IQCH: variants seen among roughly 807,000 people sequenced by gnomAD.
IQCH encodes the protein IQ motif containing H.
A neutral mutation model predicts 117.0 loss-of-function variants in IQCH; 98 were observed. The ratio of observed to expected loss-of-function variants is 0.84; its 90% CI spans 0.71 to 0.99. The LOEUF is 0.99. Among genes scored for constraint, IQCH ranks in the 50% least tolerant of loss-of-function variants. The pLI, the probability that IQCH is intolerant of heterozygous loss-of-function variation, is 0.00. For synonymous variants in IQCH, 412 were observed against 448.2 expected, an observed-to-expected ratio of 0.92 and a Z score of 1.02; for missense variants, 1,102 against 1,243.8, an observed-to-expected ratio of 0.89 and a Z score of 1.72.
At chr15:67,320,040 G>A (rs1327358276) in intron 4 of IQCH, among the ~76,000 whole-genome samples, 5 of 152,184 alleles carry the variant, frequency 3.3e-5, no homozygotes, top group Admixed American at 3.3e-4. Context: ...CCTCCTTTCA[G>A]GTTTGCTTAG....
chr15:67,306,703 C>T (rs1237174031), intron 4 of IQCH: 18 of 729,654 alleles, frequency 2.5e-5, no homozygotes, highest in Non-Finnish European at 3.8e-5. Context: ...ATTTTATATC[C>T]TGTGACTCTG....
chr15:67,442,817 GAGATAGATAGATAGATAGATAGATAGAT>G (rs201394285), intron 16 of IQCH, among the ~76,000 whole-genome samples: 3 of 138,174 alleles, frequency 2.2e-5, no homozygotes, highest in South Asian at 2.4e-4. Context: ...AAGAAACTGT[GAGATAGATAGATAGATAGATAGATAGAT>G]AGATAGATAG....
intron 8 of IQCH, among the ~76,000 whole-genome samples, chr15:67,367,891 C>A (rs1178695763): frequency 6.6e-6 from 1 of 152,126 alleles, no homozygotes; most frequent in African/African-American, 2.4e-5. Context: ...CTTATAGTAA[C>A]AAAAATACTG....
Position 67,324,565 on chromosome 15 carries a change from G to A in IQCH, c.388-12410G>A, listed in dbSNP as rs117404441. On this transcript the variant is annotated intron_variant, in intron 4 of 20. Coordinates refer to ENST00000335894, the MANE Select transcript of IQCH (RefSeq NM_001031715.3). ...GCGGAGGTTGCAGTGAGCAAAGATA[G>A]CTCCATTGCACTCCAGCCTGGGCAA... Among the ~76,000 whole-genome samples the A allele has an allele frequency of 4.7e-3, 668 of 142,980 alleles. 14 individuals are homozygous for A. In the East Asian group the frequency reaches 0.078, roughly 17 times the overall value. The allele number at this position is 142,980 out of a possible 152,430, so 93.8% of individuals were successfully genotyped here.
chr15:67,489,417 C>T (rs1299727573), intron 18 of IQCH, among the ~76,000 whole-genome samples: 1 of 152,048 alleles, frequency 6.6e-6, no homozygotes, highest in Admixed American at 6.6e-5. Flanking sequence ...CCTCTGCCTC[C>T]CAGGTTCAAG....
chr15:67,407,840 C>T lies in IQCH; in HGVS notation c.2097+7535C>T, dbSNP rs1220179233. 2.0e-5 allele frequency: 3 copies of T among 152,190 alleles called. No homozygotes were observed. Among genetic ancestry groups the T allele is most frequent in the African/African-American group, 7.2e-5 (3 of 41,446 alleles). The allele number at this position is 152,190 out of a possible 1,614,324, so 9.4% of individuals were successfully genotyped here. ...CACAGTCTGGAAACACTCTACCTTC[C>T]AGCCATTAGCTCTCACTAATTCATA... On this transcript the variant is annotated intron_variant, in intron 14 of 20. Transcript: ENST00000335894. The surrounding 1 kb of genome is among the most constrained non-coding windows in gnomAD (Gnocchi z 5.3).
intron 9 of IQCH, 50 bp downstream of exon 9, chr15:67,372,712 C>T (rs777468698): frequency 9.5e-6 from 14 of 1,472,762 alleles, no homozygotes; most frequent in East Asian, 6.8e-5. Context: ...CTAAACATTT[C>T]GTGCTTGAGC....
chr15:67,443,722 C>T lies in IQCH; in HGVS notation c.2506-21405C>T, dbSNP rs962345922. Among the ~76,000 whole-genome samples the T allele has an allele frequency of 2.0e-5, 3 of 152,194 alleles. No individual in the cohort carries two copies. Among genetic ancestry groups the T allele is most frequent in the Non-Finnish European group, 4.4e-5 (3 of 68,046 alleles). On this transcript the variant is annotated intron_variant, in intron 16 of 20. Coordinates refer to ENST00000335894, the MANE Select transcript of IQCH (RefSeq NM_001031715.3). The surrounding 1 kb of genome is among the most constrained non-coding windows in gnomAD (Gnocchi z 5.0). ...AAGTCCAGCTCATCATGGATTCCCC[C>T]TTAAAGTGCCACTTCATCCTCTAGC...
At chr15:67,348,622 C>G (rs1214801502) in intron 6 of IQCH, among the ~76,000 whole-genome samples, 1 of 152,004 alleles carries the variant, frequency 6.6e-6, no homozygotes, top group African/African-American at 2.4e-5. Flanking sequence ...AAAAGAAGAC[C>G]TAAGTAAATT....
intron 10 of IQCH, among the ~76,000 whole-genome samples, chr15:67,382,610 A>G (rs1970971392): frequency 6.6e-6 from 1 of 152,208 alleles, no homozygotes; most frequent in South Asian, 2.1e-4. Flanking sequence ...AGAGTCTTTT[A>G]TTTTATATAA....
intron 16 of IQCH, among the ~76,000 whole-genome samples, chr15:67,446,147 T>C (rs2082385621): frequency 6.6e-6 from 1 of 152,218 alleles, no homozygotes; most frequent in Non-Finnish European, 1.5e-5. Context: ...TACCAAAGAA[T>C]ATGTTATCCC....
In IQCH at chr15:67,476,013, T is replaced by C. The variant is rs1392056401; in HGVS notation, c.2799+195T>C. Among the ~76,000 whole-genome samples the C allele has an allele frequency of 6.6e-6, 1 of 152,192 alleles. No individual in the cohort carries two copies. Among genetic ancestry groups the C allele is most frequent in the Non-Finnish European group, 1.5e-5 (1 of 68,032 alleles). ...GAAAGTAGCACATAGTCCTGGAAAG[T>C]TCTACTTCGTCTCCAATCTTACACA... On this transcript the variant is annotated intron_variant, in intron 18 of 20. Coordinates refer to ENST00000335894, the MANE Select transcript of IQCH (RefSeq NM_001031715.3). This position sits in a 1 kb window ranked among gnomAD's most constrained non-coding sequence, Gnocchi z 4.1.
intron 8 of IQCH, among the ~76,000 whole-genome samples, chr15:67,367,609 C>A (rs1005260538): frequency 1.3e-5 from 2 of 151,986 alleles, no homozygotes; most frequent in Non-Finnish European, 2.9e-5. Context: ...GCCAGGTTGG[C>A]TCTGATGTAC....
chr15:67,270,267 G>A (rs1415192514), intron 3 of IQCH, among the ~76,000 whole-genome samples: 5 of 152,230 alleles, frequency 3.3e-5, no homozygotes, highest in South Asian at 2.1e-4. Context: ...CGGAATAAAC[G>A]TTGTGAAAGT....
Position 67,266,618 on chromosome 15 carries a change from C to A in IQCH, c.269+3402C>A, listed in dbSNP as rs1320292664. 2.0e-5 allele frequency among the ~76,000 whole-genome samples: 3 copies of A among 152,266 alleles called. No homozygotes were observed. The East Asian group carries it at 5.8e-4, about 29-fold the overall frequency. On this transcript the variant is annotated intron_variant, in intron 3 of 20. Transcript: ENST00000335894. ...CTTGCAGTGAGCCGAGATTGTGCCA[C>A]TGCACTCCAGCCTGGGCGACAGAGC...
Position 67,494,235 on chromosome 15 carries a change from A to G in IQCH, c.2862-23A>G. The G allele has an allele frequency of 6.4e-7, 1 of 1,563,414 alleles. No individual in the cohort carries two copies. Among genetic ancestry groups the G allele is most frequent in the African/African-American group, 1.4e-5 (1 of 73,426 alleles). On this transcript the variant is annotated intron_variant, in intron 19 of 20. Transcript: ENST00000335894. This position sits in a 1 kb window ranked among gnomAD's most constrained non-coding sequence, Gnocchi z 5.5. ...TGTGAAGGGAATCGTTGGTAAACTC[A>G]TTTGTTTGGATATCATTAACAGAAC...
chr15:67,460,661 C>T (rs971408772), intron 16 of IQCH, among the ~76,000 whole-genome samples: 5 of 152,190 alleles, frequency 3.3e-5, no homozygotes, highest in African/African-American at 7.2e-5. Flanking sequence ...GACCTTTAAT[C>T]AGTCAAACAA....
intron 4 of IQCH, among the ~76,000 whole-genome samples, chr15:67,313,584 C>T (rs1967704370): frequency 6.6e-6 from 1 of 152,086 alleles, no homozygotes. Flanking sequence ...AGAAGCAATA[C>T]AAGCAAAGGC....
At chr15:67,437,517 A>T (rs2082167331) in intron 16 of IQCH, among the ~76,000 whole-genome samples, 1 of 152,208 alleles carries the variant, frequency 6.6e-6, no homozygotes, top group South Asian at 2.1e-4. Context: ...CCCCTAAAAA[A>T]TCACACTAGT....
Sources: gnomAD v4.1 joint callset for allele counts (sites outside exome capture counted in the v4.1 genomes callset) on GRCh38, gnomAD v4.1.1 for gene constraint, Gnocchi (gnomAD v3.1) non-coding constraint, MANE v1.5 for transcripts, NCBI Gene and HGNC (gene_info 2026-07-23, HGNC 2026-07-21) for gene names.